AKAP19: variants seen among roughly 807,000 people sequenced by gnomAD.
The protein encoded by AKAP19 is small A-kinase anchoring protein.
the AKAP19 span, among the ~76,000 whole-genome samples, chr2:190,117,708 C>T: frequency 4.6e-5 from 7 of 152,202 alleles, no homozygotes; most frequent in Non-Finnish European, 7.3e-5. Flanking sequence ...CAATAAACTT[C>T]GCTTGCATAA....
At chr2:190,198,722 A>ATCAG in the AKAP19 span, among the ~76,000 whole-genome samples, 1 of 151,772 alleles carries the variant, frequency 6.6e-6, no homozygotes, top group Non-Finnish European at 1.5e-5. Flanking sequence ...CTAAGATACA[A>ATCAG]TCAGGGACCA....
chr2:190,183,759 T>C, the AKAP19 span, among the ~76,000 whole-genome samples: 1 of 152,002 alleles, frequency 6.6e-6, no homozygotes. Context: ...GTTCTTTTGG[T>C]ACCCTGGAAT....
At chr2:190,167,748 G>T in the AKAP19 span, among the ~76,000 whole-genome samples, 2 of 152,202 alleles carry the variant, frequency 1.3e-5, no homozygotes, top group African/African-American at 4.8e-5. Flanking sequence ...TTGACTCCAC[G>T]TCTCACATCC....
At chr2:189,956,204 C>T in the AKAP19 span, among the ~76,000 whole-genome samples, 1 of 105,730 alleles carries the variant, frequency 9.5e-6, no homozygotes, top group African/African-American at 3.8e-5. Context: ...GAGTCTCGCT[C>T]TGTCGCCCAG....
the AKAP19 span, among the ~76,000 whole-genome samples, chr2:190,005,988 C>T: frequency 6.6e-6 from 1 of 152,124 alleles, no homozygotes; most frequent in Non-Finnish European, 1.5e-5. Context: ...ACAATATATG[C>T]TAATGCTCAA....
the AKAP19 span, among the ~76,000 whole-genome samples, chr2:190,063,167 T>A: frequency 6.6e-6 from 1 of 152,126 alleles, no homozygotes; most frequent in Non-Finnish European, 1.5e-5. Flanking sequence ...TTGTATTAAA[T>A]TATTTTTAGT....
At chr2:190,155,903 A>T in the AKAP19 span, among the ~76,000 whole-genome samples, 70,519 of 152,050 alleles carry the variant, frequency 0.46, 16,892 homozygotes, top group Middle Eastern at 0.54. Flanking sequence ...ATAAATTTTT[A>T]GGTATACTTA....
the AKAP19 span, among the ~76,000 whole-genome samples, chr2:190,041,512 T>C: frequency 6.6e-6 from 1 of 152,224 alleles, no homozygotes; most frequent in African/African-American, 2.4e-5. Flanking sequence ...TCTTTGTTTC[T>C]TTCTCTTGCG....
chr2:189,997,751 A>G, the AKAP19 span, among the ~76,000 whole-genome samples: 135 of 152,090 alleles, frequency 8.9e-4, no homozygotes, highest in Non-Finnish European at 1.6e-3. Flanking sequence ...CTGCCCACAC[A>G]ATGGGTGGTG....
the AKAP19 span, among the ~76,000 whole-genome samples, chr2:190,198,694 A>ATGTT: frequency 6.8e-6 from 1 of 146,338 alleles, no homozygotes; most frequent in Admixed American, 6.9e-5. Flanking sequence ...TTTTAGAGCT[A>ATGTT]TGTTTTTAGT....
chr2:189,915,105 G>A, the AKAP19 span, among the ~76,000 whole-genome samples: 1 of 152,128 alleles, frequency 6.6e-6, no homozygotes, highest in African/African-American at 2.4e-5. Context: ...TGCATGGAAA[G>A]AGAGCTTCAC....
chr2:189,984,614 G>A, the AKAP19 span, among the ~76,000 whole-genome samples: 1 of 152,198 alleles, frequency 6.6e-6, no homozygotes. Context: ...AGAGATTAAA[G>A]TAAAGACAGG....
At chr2:190,082,826 T>C in the AKAP19 span, among the ~76,000 whole-genome samples, 17 of 152,258 alleles carry the variant, frequency 1.1e-4, no homozygotes, top group African/African-American at 4.1e-4. Context: ...TTCTCTCCAC[T>C]ATAGCAGTTT....
the AKAP19 span, among the ~76,000 whole-genome samples, chr2:190,090,498 C>T: frequency 6.6e-6 from 1 of 152,164 alleles, no homozygotes; most frequent in African/African-American, 2.4e-5. Flanking sequence ...CAGATTCTTC[C>T]CAAGTGGATT....
At chr2:190,108,615 G>A in the AKAP19 span, among the ~76,000 whole-genome samples, 1 of 152,162 alleles carries the variant, frequency 6.6e-6, no homozygotes, top group African/African-American at 2.4e-5. Flanking sequence ...GGGGCAATGA[G>A]TATGAGAAGG....
the AKAP19 span, among the ~76,000 whole-genome samples, chr2:190,131,643 C>A: frequency 2.0e-5 from 3 of 152,184 alleles, no homozygotes; most frequent in African/African-American, 7.2e-5. Context: ...CAATTTATAG[C>A]CAGCTGATCA....
At chr2:190,201,598 T>C in the AKAP19 span, 1 of 167,060 alleles carries the variant, frequency 6.0e-6, no homozygotes, top group African/African-American at 2.4e-5. Context: ...ACTAATACTT[T>C]GAAACCCACA....
the AKAP19 span, among the ~76,000 whole-genome samples, chr2:190,074,473 A>G: frequency 6.6e-6 from 1 of 152,084 alleles, no homozygotes; most frequent in South Asian, 2.1e-4. Context: ...CAACATGGTG[A>G]AACCCCGTCT....
the AKAP19 span, among the ~76,000 whole-genome samples, chr2:189,948,811 T>C: frequency 1.3e-5 from 2 of 152,130 alleles, no homozygotes; most frequent in Admixed American, 6.5e-5. Context: ...AATTTTTATT[T>C]AGTAAAATCA....
Sources: allele counts gnomAD v4.1 joint callset (sites outside exome capture counted in the v4.1 genomes callset), GRCh38; gene constraint gnomAD v4.1.1; transcripts MANE v1.5; gene names NCBI Gene and HGNC (gene_info 2026-07-23, HGNC 2026-07-21).